Variants in KCNK2 observed in about 807,000 individuals in gnomAD.
KCNK2 encodes potassium two pore domain channel subfamily K member 2, also known as potassium channel subfamily K member 2.
KCNK2 carries 21 observed loss-of-function variants against 40.5 expected under a neutral mutation model. The ratio of observed to expected loss-of-function variants is 0.52; its 90% CI spans 0.37 to 0.75. The LOEUF is 0.75. KCNK2 is among the 30% of genes least tolerant of loss of function. The pLI is 0.00. For synonymous variants in KCNK2, 191 were observed against 202.2 expected, an observed-to-expected ratio of 0.94 and a Z score of 0.47; for missense variants, 399 against 531.6, an observed-to-expected ratio of 0.75 and a Z score of 2.45.
At chr1:215,065,685 C>A (rs1324591151) in intron 1 of KCNK2, among the ~76,000 whole-genome samples, 1 of 152,172 alleles carries the variant, frequency 6.6e-6, no homozygotes, top group Non-Finnish European at 1.5e-5. Flanking sequence ...AAGTCAGTGC[C>A]TTGTTCTTAC....
intron 1 of KCNK2, among the ~76,000 whole-genome samples, chr1:215,070,208 T>C (rs915194508): frequency 3.3e-5 from 5 of 150,852 alleles, no homozygotes; most frequent in African/African-American, 1.2e-4. Flanking sequence ...CAGCAGATCG[T>C]AGGCATCCTG....
At chr1:215,166,345 G>C (rs922778417) in intron 3 of KCNK2, among the ~76,000 whole-genome samples, 6 of 152,172 alleles carry the variant, frequency 3.9e-5, no homozygotes, top group Admixed American at 1.3e-4. Flanking sequence ...GGATTCAAAA[G>C]ATGAAAATTT....
At chr1:215,171,942 C>CTCT in intron 4 of KCNK2, 55 bp from the exon 5 acceptor site, 1 of 1,031,520 alleles carries the variant, frequency 9.7e-7, no homozygotes. Flanking sequence ...CTCTCTCTCT[C>CTCT]CCCCCATTTA....
Position 215,236,089 on chromosome 1 carries a change from T to TATCTATCTATCTATCTATC in KCNK2, c.*953_*954insTCTATCTATCATCTATCTA, listed in dbSNP as rs1666878631. The TATCTATCTATCTATCTATC allele has an allele frequency of 6.6e-6, 1 of 151,676 alleles. No individual in the cohort carries two copies. The highest frequency in any genetic ancestry group is 1.5e-5 in the Non-Finnish European group (1 of 68,018). The allele number at this position is 151,676 out of a possible 1,614,324, so 9.4% of individuals were successfully genotyped here. A position where few individuals can be genotyped will look rare whatever the true frequency, so the allele number is the denominator to read the frequency against. On this transcript the variant is annotated 3_prime_UTR_variant, in exon 7 of 7. Transcript: ENST00000444842. Reference sequence around the variant, plus strand: ...CTATCTATCTATCTATCTATCTATCTATCTATCTAAATGACCTGACAGAAG... The same window carrying TATCTATCTATCTATCTATC: ...CTATCTATCTATCTATCTATCTATCTATCTATCTATCTATCTATCATCTATCTAAATGACCTGACAGAAG...
intron 3 of KCNK2, among the ~76,000 whole-genome samples, chr1:215,140,499 G>T (rs1339015325): frequency 6.6e-6 from 1 of 152,138 alleles, no homozygotes; most frequent in African/African-American, 2.4e-5. Flanking sequence ...ATAGCCTATT[G>T]CTTCTAGGCT....
chr1:215,083,437 AC>A lies in KCNK2; in HGVS notation c.46+13del, dbSNP rs574383045. 2.2e-5 allele frequency: 36 copies of A among 1,604,510 alleles called. No homozygotes were observed. The highest frequency in any genetic ancestry group is 1.8e-4 in the African/African-American group (13 of 74,164). ...ACCCGGCTATAGAGCAGGAGGTGAG[AC>A]CCCCCCTCCGGTACCCCCACCCCTC... On this transcript the variant is annotated splice_region_variant and intron_variant, in intron 1 of 6. Coordinates refer to ENST00000444842, the MANE Select transcript of KCNK2 (RefSeq NM_001017425.3).
intron 3 of KCNK2, among the ~76,000 whole-genome samples, chr1:215,149,691 G>A (rs1173819099): frequency 1.3e-5 from 2 of 152,130 alleles, no homozygotes; most frequent in Admixed American, 6.6e-5. Context: ...CAATAAGTAC[G>A]AAGTGCAGAT....
chr1:215,184,145 A>T (rs1038663784), intron 5 of KCNK2, among the ~76,000 whole-genome samples: 2 of 152,184 alleles, frequency 1.3e-5, no homozygotes, highest in Non-Finnish European at 2.9e-5. Context: ...TTTCATAATT[A>T]GTAGAATGTG....
At chr1:215,154,003 A>G (rs1013341356) in intron 3 of KCNK2, among the ~76,000 whole-genome samples, 5 of 152,162 alleles carry the variant, frequency 3.3e-5, no homozygotes, top group African/African-American at 9.7e-5. Flanking sequence ...ATTGATGGGC[A>G]TTTGGGTTGG....
chr1:215,075,873 G>A (rs1257602289), intron 1 of KCNK2, among the ~76,000 whole-genome samples: 5 of 152,188 alleles, frequency 3.3e-5, no homozygotes, highest in Admixed American at 1.3e-4. Flanking sequence ...TTCTTGAAGT[G>A]TGGTCCCTGC....
At chr1:215,036,639 C>T (rs1287548959) in intron 1 of KCNK2, among the ~76,000 whole-genome samples, 1 of 151,876 alleles carries the variant, frequency 6.6e-6, no homozygotes, top group East Asian at 1.9e-4. Context: ...TTTATGTCAA[C>T]AGGATTGATT....
intron 1 of KCNK2, among the ~76,000 whole-genome samples, chr1:215,085,472 A>C (rs1659390172): frequency 1.3e-5 from 2 of 152,254 alleles, no homozygotes; most frequent in Admixed American, 1.3e-4. Flanking sequence ...AAATGGATTT[A>C]TAGTCACCTC....
At chr1:215,177,810 T>TA (rs1664051598) in intron 5 of KCNK2, among the ~76,000 whole-genome samples, 1 of 147,620 alleles carries the variant, frequency 6.8e-6, no homozygotes, top group East Asian at 2.0e-4. Context: ...TGAAGTCGAG[T>TA]AATGTGATGT....
intron 5 of KCNK2, among the ~76,000 whole-genome samples, chr1:215,173,073 AC>A (rs1249711094): frequency 6.6e-6 from 1 of 151,952 alleles, no homozygotes; most frequent in Non-Finnish European, 1.5e-5. Flanking sequence ...GCACCCATTA[AC>A]TCGTCATTTA....
chr1:215,181,622 G>A (rs1287706580), intron 5 of KCNK2, among the ~76,000 whole-genome samples: 1 of 151,958 alleles, frequency 6.6e-6, no homozygotes, highest in Non-Finnish European at 1.5e-5. Context: ...GAGAATACTG[G>A]GCAGGGTATT....
intron 2 of KCNK2, among the ~76,000 whole-genome samples, chr1:215,105,696 T>A (rs903989848): frequency 2.0e-5 from 3 of 152,094 alleles, no homozygotes; most frequent in African/African-American, 7.2e-5. Context: ...ATCACCCAGG[T>A]ACTGAGCATA....
chr1:215,078,205 T>C (rs1659018378), upstream of KCNK2, among the ~76,000 whole-genome samples: 1 of 152,242 alleles, frequency 6.6e-6, no homozygotes, highest in South Asian at 2.1e-4. Flanking sequence ...CTGGGCTGCA[T>C]GTAGCCTGCA....
chr1:215,167,404 C>A (rs1663495120), intron 3 of KCNK2, among the ~76,000 whole-genome samples: 1 of 151,098 alleles, frequency 6.6e-6, no homozygotes, highest in Non-Finnish European at 1.5e-5. Context: ...ATCAAAGTTC[C>A]AAATTAATTT....
chr1:215,035,166 T>C (rs1657341854), intron 1 of KCNK2, among the ~76,000 whole-genome samples: 1 of 152,170 alleles, frequency 6.6e-6, no homozygotes, highest in Non-Finnish European at 1.5e-5. Context: ...TTCCCAAAGT[T>C]AAGTCAAAAG....
Sources: allele counts gnomAD v4.1 joint callset (sites outside exome capture counted in the v4.1 genomes callset), GRCh38; gene constraint gnomAD v4.1.1; transcripts MANE v1.5; gene names NCBI Gene and HGNC (gene_info 2026-07-23, HGNC 2026-07-21).